Variants in ABTB3 observed in about 807,000 individuals in gnomAD.
The protein encoded by ABTB3 is ankyrin repeat- and BTB/POZ domain-containing protein 3.
the ABTB3 span, among the ~76,000 whole-genome samples, chr12:107,394,669 G>A: frequency 2.6e-5 from 4 of 152,020 alleles, no homozygotes; most frequent in Admixed American, 6.5e-5. Flanking sequence ...TTTCTTTCTC[G>A]GCAAGATAAT....
the ABTB3 span, among the ~76,000 whole-genome samples, chr12:107,419,135 A>G: frequency 6.6e-6 from 1 of 152,212 alleles, no homozygotes. Flanking sequence ...AGTAGTATCA[A>G]CTCACATGAT....
chr12:107,354,095 C>T, the ABTB3 span, among the ~76,000 whole-genome samples: 2 of 152,160 alleles, frequency 1.3e-5, no homozygotes, highest in African/African-American at 2.4e-5. Flanking sequence ...ACCAACACCG[C>T]AAATACGATA....
chr12:107,351,325 G>T, the ABTB3 span, among the ~76,000 whole-genome samples: 1 of 152,162 alleles, frequency 6.6e-6, no homozygotes, highest in Non-Finnish European at 1.5e-5. Flanking sequence ...ATTGCAAAAC[G>T]CTTGAGCCTT....
the ABTB3 span, among the ~76,000 whole-genome samples, chr12:107,632,349 T>C: frequency 6.6e-6 from 1 of 152,224 alleles, no homozygotes; most frequent in Non-Finnish European, 1.5e-5. Context: ...AGGAAGCTGA[T>C]TCACCAGCAA....
the ABTB3 span, among the ~76,000 whole-genome samples, chr12:107,575,119 C>A: frequency 3.3e-5 from 5 of 152,294 alleles, no homozygotes; most frequent in African/African-American, 1.2e-4. Context: ...TCCTAAACCA[C>A]AAATATCGAA....
chr12:107,597,869 G>A, the ABTB3 span, among the ~76,000 whole-genome samples: 138 of 152,294 alleles, frequency 9.1e-4, 1 homozygote, highest in African/African-American at 3.2e-3. Flanking sequence ...TATGGCCCCT[G>A]GGTCACCTTC....
At chr12:107,531,929 C>T in the ABTB3 span, among the ~76,000 whole-genome samples, 13 of 152,306 alleles carry the variant, frequency 8.5e-5, no homozygotes, top group Non-Finnish European at 1.5e-4. Flanking sequence ...CAGCCACATC[C>T]TCAGCACCTA....
chr12:107,388,471 C>T, the ABTB3 span, among the ~76,000 whole-genome samples: 2 of 151,510 alleles, frequency 1.3e-5, no homozygotes, highest in African/African-American at 4.9e-5. Flanking sequence ...CCTCTTCCCC[C>T]TCCTTTTCCT....
chr12:107,373,536 C>G, the ABTB3 span, among the ~76,000 whole-genome samples: 1 of 152,162 alleles, frequency 6.6e-6, no homozygotes, highest in Non-Finnish European at 1.5e-5. Context: ...TAAAACAGTT[C>G]CAGACACACA....
At chr12:107,444,830 C>T in the ABTB3 span, among the ~76,000 whole-genome samples, 443 of 152,260 alleles carry the variant, frequency 2.9e-3, 1 homozygote, top group African/African-American at 0.01. Flanking sequence ...TCAGGCCCCC[C>T]GTGAGGCCTA....
the ABTB3 span, among the ~76,000 whole-genome samples, chr12:107,590,083 TA>T: frequency 6.6e-6 from 1 of 152,154 alleles, no homozygotes; most frequent in Admixed American, 6.5e-5. Context: ...TTAATTCTTG[TA>T]TTTTTTTTTA....
chr12:107,647,576 C>T, the ABTB3 span, among the ~76,000 whole-genome samples: 3 of 152,242 alleles, frequency 2.0e-5, no homozygotes, highest in Non-Finnish European at 2.9e-5. Flanking sequence ...AACACACATG[C>T]GAAAAGCAGT....
At chr12:107,559,700 A>G in the ABTB3 span, among the ~76,000 whole-genome samples, 14 of 152,342 alleles carry the variant, frequency 9.2e-5, no homozygotes, top group African/African-American at 3.4e-4. Context: ...TTGAATGTGT[A>G]TTCTTCAAAG....
At chr12:107,461,336 C>G in the ABTB3 span, among the ~76,000 whole-genome samples, 33 of 152,226 alleles carry the variant, frequency 2.2e-4, no homozygotes, top group Middle Eastern at 3.4e-3. Context: ...TGACTGGCAT[C>G]CTTAAGAGAA....
At chr12:107,656,285 A>G in the ABTB3 span, among the ~76,000 whole-genome samples, 1 of 145,658 alleles carries the variant, frequency 6.9e-6, no homozygotes, top group African/African-American at 2.6e-5. Context: ...TGAGCCACAG[A>G]GTGAGGCTCT....
the ABTB3 span, among the ~76,000 whole-genome samples, chr12:107,479,386 C>A: frequency 1.3e-4 from 19 of 151,832 alleles, no homozygotes; most frequent in Non-Finnish European, 4.4e-5. Flanking sequence ...CAGCTCAGCT[C>A]TGTGATCTCA....
At chr12:107,549,284 A>C in the ABTB3 span, among the ~76,000 whole-genome samples, 1 of 152,216 alleles carries the variant, frequency 6.6e-6, no homozygotes, top group African/African-American at 2.4e-5. Context: ...ATGACAACCA[A>C]ATACATGTTC....
At chr12:107,425,030 A>G in the ABTB3 span, among the ~76,000 whole-genome samples, 82 of 152,236 alleles carry the variant, frequency 5.4e-4, no homozygotes, top group East Asian at 9.1e-3. Context: ...TCTAAAATCC[A>G]GACCCGGTCA....
chr12:107,566,367 C>A, the ABTB3 span, among the ~76,000 whole-genome samples: 2 of 152,102 alleles, frequency 1.3e-5, no homozygotes, highest in Non-Finnish European at 2.9e-5. Flanking sequence ...AGCTTTGGTG[C>A]AACCTGAGAC....
Sources: gnomAD v4.1 joint callset for allele counts (sites outside exome capture counted in the v4.1 genomes callset) on GRCh38, gnomAD v4.1.1 for gene constraint, MANE v1.5 for transcripts, NCBI Gene and HGNC (gene_info 2026-07-23, HGNC 2026-07-21) for gene names.